GSE1: variants seen among roughly 807,000 people sequenced by gnomAD.
GSE1 encodes Gse1 coiled-coil protein, also known as genetic suppressor element 1.
A neutral mutation model predicts 112.6 loss-of-function variants in GSE1; 32 were observed. The ratio of observed to expected loss-of-function variants is 0.28; its 90% CI spans 0.21 to 0.38. The LOEUF (loss-of-function observed/expected upper bound fraction) is 0.38. Ranked by LOEUF, GSE1 falls within the 10% of genes least tolerant of loss-of-function variation. The pLI is 1.00. For missense variants in GSE1, 2,348 were observed against 1,699.2 expected (o/e 1.38, Z -6.71); for synonymous variants, 1,115 against 735.6 (o/e 1.52, Z -8.35).
chr16:85,209,131 G>A (rs1176957589), intron 1 of GSE1, among the ~76,000 whole-genome samples: 1 of 152,268 alleles, frequency 6.6e-6, no homozygotes, highest in African/African-American at 2.4e-5. Flanking sequence ...GGGGTTTGCC[G>A]TGTGTTTACT....
At chr16:85,484,942 C>G (rs2050786657) in intron 2 of GSE1, among the ~76,000 whole-genome samples, 1 of 152,160 alleles carries the variant, frequency 6.6e-6, no homozygotes, top group South Asian at 2.1e-4. Flanking sequence ...CACCCCGAAT[C>G]TAGCCTGAGG....
intron 1 of GSE1, among the ~76,000 whole-genome samples, chr16:85,289,541 C>T (rs990599576): frequency 6.6e-6 from 1 of 152,216 alleles, no homozygotes. Flanking sequence ...AGGCCTAGGA[C>T]TCTGCATTCT....
At chr16:85,191,237 G>A (rs1420283847) in intron 1 of GSE1, among the ~76,000 whole-genome samples, 1 of 152,120 alleles carries the variant, frequency 6.6e-6, no homozygotes, top group Non-Finnish European at 1.5e-5. Flanking sequence ...TGCAGCCTGG[G>A]CAACAGAGCC....
intron 2 of GSE1, among the ~76,000 whole-genome samples, chr16:85,400,265 GTGTGT>G (rs1368677531): frequency 2.7e-4 from 41 of 151,534 alleles, no homozygotes; most frequent in Non-Finnish European, 4.4e-5. Context: ...GTGTGTGTGT[GTGTGT>G]GTGTGTGTGT....
At chr16:85,570,041 C>T (rs767500387) in intron 1 of GSE1, among the ~76,000 whole-genome samples, 3 of 152,164 alleles carry the variant, frequency 2.0e-5, no homozygotes, top group Non-Finnish European at 4.4e-5. Flanking sequence ...CAGTTGCGGC[C>T]CTGAGTTCCC....
intron 2 of GSE1, among the ~76,000 whole-genome samples, chr16:85,374,343 T>G (rs1267771389): frequency 6.7e-6 from 1 of 148,812 alleles, no homozygotes; most frequent in African/African-American, 2.5e-5. Flanking sequence ...CTCTGTGTGG[T>G]CGCGCGTGGC....
At chr16:85,508,725 G>C (rs1034790200) in intron 2 of GSE1, among the ~76,000 whole-genome samples, 3 of 152,220 alleles carry the variant, frequency 2.0e-5, no homozygotes, top group African/African-American at 7.2e-5. Context: ...AGACTGGTGT[G>C]CTGGTCTGTT....
rs576757914 is a variant in GSE1, at chr16:85,472,555, A to G, written c.2464+114912A>G. Among the ~76,000 whole-genome samples the G allele has an allele frequency of 1.9e-4, 29 of 152,316 alleles. No individual in the cohort carries two copies. The South Asian group carries it at 6.0e-3, about 32-fold the overall frequency. On this transcript the variant is annotated intron_variant, in intron 2 of 2. Coordinates refer to the GSE1 transcript ENST00000637419. The stretch of plus-strand genomic sequence containing the variant: ...AATTATATCTGCAAAGGCTCTGTTT[A>G]CAAATAAGGCCATATTACGGGGTGA...
intron 1 of GSE1, among the ~76,000 whole-genome samples, chr16:85,336,278 C>G (rs113113760): frequency 6.6e-6 from 1 of 152,172 alleles, no homozygotes; most frequent in African/African-American, 2.4e-5. Context: ...AGCCTTTGTT[C>G]GTTCCCTTGA....
chr16:85,426,199 C>A (rs201524767), intron 2 of GSE1, among the ~76,000 whole-genome samples: 4,290 of 138,026 alleles, frequency 0.031, 200 homozygotes, highest in African/African-American at 0.11. Context: ...AGATGGATGG[C>A]TGGATGGATG....
chr16:85,291,552 CCA>C (rs200208348), intron 1 of GSE1, among the ~76,000 whole-genome samples: 2,946 of 152,350 alleles, frequency 0.019, 33 homozygotes, highest in Non-Finnish European at 0.03. Flanking sequence ...GCAGACTTCC[CCA>C]CAGGGCTCAG....
intron 1 of GSE1, among the ~76,000 whole-genome samples, chr16:85,579,191 G>C (rs1187716865): frequency 6.6e-6 from 1 of 152,170 alleles, no homozygotes; most frequent in Non-Finnish European, 1.5e-5. Context: ...TAGGAGCAAC[G>C]CTGGTCGGGG....
intron 3 of GSE1, among the ~76,000 whole-genome samples, chr16:85,652,595 C>T (rs1243889938): frequency 6.6e-6 from 1 of 152,170 alleles, no homozygotes; most frequent in Non-Finnish European, 1.5e-5. Context: ...CTGACTGTCT[C>T]CTGGAGGGTG....
intron 1 of GSE1, among the ~76,000 whole-genome samples, chr16:85,188,570 G>A (rs1405311868): frequency 6.6e-6 from 1 of 152,100 alleles, no homozygotes; most frequent in Non-Finnish European, 1.5e-5. Flanking sequence ...GGGAGGCTAA[G>A]GCAGGAGGAT....
chr16:85,645,942 G>A (rs1036188123), intron 2 of GSE1, among the ~76,000 whole-genome samples: 5 of 150,616 alleles, frequency 3.3e-5, no homozygotes, highest in Admixed American at 1.3e-4. Flanking sequence ...CTTCTACCAC[G>A]CATTCTACCT....
At chr16:85,660,413 G>T (rs552234658) in intron 8 of GSE1, among the ~76,000 whole-genome samples, 1 of 152,234 alleles carries the variant, frequency 6.6e-6, no homozygotes, top group South Asian at 2.1e-4. Context: ...AAGGCAGGTG[G>T]ATCACTTGAG....
At chr16:85,199,167 G>A (rs11149720) in intron 1 of GSE1, among the ~76,000 whole-genome samples, 71,934 of 151,918 alleles carry the variant, frequency 0.47, 17,746 homozygotes, top group African/African-American at 0.6. Context: ...ATGTTGGCCA[G>A]GCTTGTCTCA....
chr16:85,569,600 G>C (rs566681832), intron 1 of GSE1, among the ~76,000 whole-genome samples: 1 of 152,214 alleles, frequency 6.6e-6, no homozygotes, highest in Non-Finnish European at 1.5e-5. Context: ...CTGTGTGATC[G>C]TCATCATCAC....
intron 2 of GSE1, among the ~76,000 whole-genome samples, chr16:85,390,144 C>A (rs1438729055): frequency 6.6e-6 from 1 of 152,302 alleles, no homozygotes; most frequent in South Asian, 2.1e-4. Flanking sequence ...AATAGTTGTA[C>A]AAAGGGAACT....
Sources: allele counts gnomAD v4.1 joint callset (sites outside exome capture counted in the v4.1 genomes callset), GRCh38; gene constraint gnomAD v4.1.1; transcripts MANE v1.5; gene names NCBI Gene and HGNC (gene_info 2026-07-23, HGNC 2026-07-21).